Variants in PTGER3 observed in about 807,000 individuals in gnomAD.
PTGER3 encodes prostaglandin E2 receptor EP3 subtype.
PTGER3 carries 22 observed loss-of-function variants against 34.7 expected under a neutral mutation model. The observed-to-expected ratio is 0.63, with a 90% confidence interval of 0.45 to 0.91. The LOEUF (loss-of-function observed/expected upper bound fraction) is 0.91, where lower values mean the gene tolerates loss of function less well. PTGER3 is among the 40% of genes least tolerant of loss of function. The probability of loss-of-function intolerance (pLI) is 0.00; values close to 1 mark genes in which losing one functional copy is unlikely to be tolerated. For missense variants in PTGER3, 468 were observed against 519.4 expected, an observed-to-expected ratio of 0.90 and a Z score of 0.96; for synonymous variants, 241 against 230.1, an observed-to-expected ratio of 1.05 and a Z score of -0.43.
At chr1:70,885,099 ACT>A (rs1322336981) in intron 4 of PTGER3, among the ~76,000 whole-genome samples, 1 of 151,962 alleles carries the variant, frequency 6.6e-6, no homozygotes, top group Non-Finnish European at 1.5e-5. Flanking sequence ...AAAGAATTAG[ACT>A]CTTTTTACTT....
At chr1:70,951,138 C>T (rs1650723631), downstream of PTGER3, 1 of 152,118 alleles carries the variant, frequency 6.6e-6, no homozygotes, top group Non-Finnish European at 1.5e-5. Context: ...TTACTTTTAC[C>T]TTTGTCTTAA....
chr1:70,912,621 A>C (rs1251869160), intron 4 of PTGER3, among the ~76,000 whole-genome samples: 1 of 152,126 alleles, frequency 6.6e-6, no homozygotes. Context: ...CCTCAACATC[A>C]TGGAACCAAC....
At chr1:70,949,275 C>T (rs1183477003), downstream of PTGER3, among the ~76,000 whole-genome samples, 4 of 152,082 alleles carry the variant, frequency 2.6e-5, no homozygotes, top group Non-Finnish European at 5.9e-5. Flanking sequence ...ATTGCCTGTG[C>T]CCTAAATTGC....
At chr1:71,003,713 G>A (rs1436036725) in intron 2 of PTGER3, among the ~76,000 whole-genome samples, 3 of 152,102 alleles carry the variant, frequency 2.0e-5, no homozygotes, top group African/African-American at 7.2e-5. Context: ...TGGACATATC[G>A]TTAGATAGAT....
intron 4 of PTGER3, among the ~76,000 whole-genome samples, chr1:70,917,241 G>T (rs573749329): frequency 1.3e-5 from 2 of 151,196 alleles, no homozygotes; most frequent in Non-Finnish European, 3.0e-5. Flanking sequence ...TTCAGATTCT[G>T]CTTTCAGAGT....
intron 4 of PTGER3, among the ~76,000 whole-genome samples, chr1:70,932,169 T>C (rs1648768963): frequency 6.6e-6 from 1 of 152,174 alleles, no homozygotes; most frequent in Non-Finnish European, 1.5e-5. Context: ...GGATCACCTT[T>C]ACTGCGGTTC....
intron 4 of PTGER3, among the ~76,000 whole-genome samples, chr1:70,859,868 A>T (rs1174435003): frequency 6.6e-6 from 1 of 152,200 alleles, no homozygotes; most frequent in East Asian, 1.9e-4. Context: ...TATCGGTTTG[A>T]CTTTCTGAGT....
intron 4 of PTGER3, among the ~76,000 whole-genome samples, chr1:70,894,897 A>G (rs12039590): frequency 6.6e-6 from 1 of 152,048 alleles, no homozygotes; most frequent in African/African-American, 2.4e-5. Context: ...CCTATATCTG[A>G]CACCAAAATC....
rs553713684 is a variant in PTGER3 at position 71,031,288 on chromosome 1, G to A, written c.897+15393C>T. ...CACACACACACACACACACACAAAC[G>A]TGCACACACGCACATGTGCACAAGG... On this transcript the variant is annotated intron_variant, in intron 1 of 3. Transcript: ENST00000306666. Among the ~76,000 whole-genome samples, 7 of 148,602 alleles carry A rather than the reference G, an allele frequency of 4.7e-5. No individual in the cohort carries two copies. The East Asian group carries it at 5.9e-4, about 13-fold the overall frequency.
At chr1:70,938,331 A>G (rs894007835) in intron 4 of PTGER3, among the ~76,000 whole-genome samples, 2 of 152,188 alleles carry the variant, frequency 1.3e-5, no homozygotes, top group Non-Finnish European at 2.9e-5. Context: ...GAACTCAAAT[A>G]TAATTTGTAA....
At chr1:71,018,019 C>T (rs1658067320) in intron 1 of PTGER3, among the ~76,000 whole-genome samples, 1 of 152,146 alleles carries the variant, frequency 6.6e-6, no homozygotes, top group African/African-American at 2.4e-5. Flanking sequence ...CCCGTCTCGA[C>T]CTTCCAAAGT....
At chr1:70,986,486 A>T (rs1266569476) in intron 2 of PTGER3, among the ~76,000 whole-genome samples, 1 of 152,110 alleles carries the variant, frequency 6.6e-6, no homozygotes, top group Non-Finnish European at 1.5e-5. Context: ...CTGTGCCTCA[A>T]GGGTCTTCTG....
chr1:71,029,820 G>A (rs149580766), intron 1 of PTGER3, among the ~76,000 whole-genome samples: 2,469 of 151,894 alleles, frequency 0.016, 75 homozygotes, highest in African/African-American at 0.055. Flanking sequence ...CAGTTGCTCC[G>A]GAGGCTGAGG....
chr1:70,867,846 G>A (rs1646075927), intron 4 of PTGER3, among the ~76,000 whole-genome samples: 1 of 152,100 alleles, frequency 6.6e-6, no homozygotes, highest in Non-Finnish European at 1.5e-5. Flanking sequence ...AAACTTGCAG[G>A]TACATTATTT....
chr1:71,040,184 G>A (rs1660192432), intron 1 of PTGER3, among the ~76,000 whole-genome samples: 1 of 151,172 alleles, frequency 6.6e-6, no homozygotes, highest in African/African-American at 2.4e-5. Flanking sequence ...GGGAAGGGAA[G>A]GGAAGGGAAA....
At chr1:71,007,845 T>C in intron 2 of PTGER3, 3 of 985,152 alleles carry the variant, frequency 3.0e-6, no homozygotes, top group Non-Finnish European at 3.6e-6. Flanking sequence ...AACAATAGCA[T>C]TGAAGAGATG....
At chr1:70,860,721 A>C (rs901572152) in intron 4 of PTGER3, among the ~76,000 whole-genome samples, 12 of 152,128 alleles carry the variant, frequency 7.9e-5, no homozygotes, top group Admixed American at 7.9e-4. Flanking sequence ...GTTATGTGAG[A>C]CCTTATTGTA....
At chr1:70,861,899 T>C (rs1459990547) in intron 4 of PTGER3, among the ~76,000 whole-genome samples, 1 of 152,082 alleles carries the variant, frequency 6.6e-6, no homozygotes, top group East Asian at 1.9e-4. Flanking sequence ...TATTTCATAA[T>C]AGCTTACTGT....
chr1:71,017,708 A>G (rs1343218324), intron 1 of PTGER3, among the ~76,000 whole-genome samples: 1 of 151,856 alleles, frequency 6.6e-6, no homozygotes, highest in Non-Finnish European at 1.5e-5. Context: ...CTTCCCCTTC[A>G]CCTTCCACCA....
Sources: allele counts gnomAD v4.1 joint callset (sites outside exome capture counted in the v4.1 genomes callset), GRCh38; gene constraint gnomAD v4.1.1; transcripts MANE v1.5; gene names NCBI Gene and HGNC (gene_info 2026-07-23, HGNC 2026-07-21).